Variants in PPP1R9A observed in about 807,000 individuals in gnomAD.
PPP1R9A encodes the protein protein phosphatase 1 regulatory subunit 9A.
Under a neutral mutation model 141.9 loss-of-function variants are expected in PPP1R9A, and 59 were observed. The ratio of observed to expected loss-of-function variants is 0.42; its 90% CI spans 0.34 to 0.52. The LOEUF is 0.52. PPP1R9A is among the 20% of genes least tolerant of loss of function. The pLI, the probability that PPP1R9A is intolerant of heterozygous loss-of-function variation, is 0.10. For synonymous variants in PPP1R9A, 500 were observed against 569.7 expected (o/e 0.88, Z 1.74); for missense variants, 1,444 against 1,611.9 (o/e 0.90, Z 1.78).
intron 7 of PPP1R9A, among the ~76,000 whole-genome samples, chr7:95,211,183 T>G (rs1363784475): frequency 6.6e-6 from 1 of 151,728 alleles, no homozygotes; most frequent in African/African-American, 2.4e-5. Context: ...AAAAAGAAAT[T>G]GAATGTCTGA....
chr7:95,257,509 G>A (rs998928697), intron 12 of PPP1R9A, among the ~76,000 whole-genome samples: 7 of 146,996 alleles, frequency 4.8e-5, no homozygotes, highest in Non-Finnish European at 8.9e-5. Context: ...GATTTCATAT[G>A]ATTTCTTTTT....
At chr7:95,097,854 A>G (rs939351837) in intron 2 of PPP1R9A, among the ~76,000 whole-genome samples, 3 of 152,212 alleles carry the variant, frequency 2.0e-5, no homozygotes, top group Non-Finnish European at 2.9e-5. Flanking sequence ...CACCGCCAGT[A>G]GAAGATAACA....
At position 94,957,085 on chromosome 7, in the gene PPP1R9A, T is replaced by C. The variant is rs17166553; in HGVS notation, c.1395+45577T>C. Among the ~76,000 whole-genome samples the C allele has an allele frequency of 6.0e-3, 911 of 152,322 alleles. 10 individuals are homozygous for C. The highest frequency in any genetic ancestry group is 0.02 in the African/African-American group (847 of 41,580). On this transcript the variant is annotated intron_variant, in intron 2 of 19. Transcript: ENST00000433360. ...TCTGCCATAATTTCACATCTTATTT[T>C]GGAACAAGTGGAAGATTTGTTTCCT... is the stretch of plus-strand genomic sequence containing the variant.
intron 14 of PPP1R9A, among the ~76,000 whole-genome samples, chr7:95,271,930 A>G (rs990996107): frequency 2.0e-5 from 3 of 152,194 alleles, no homozygotes; most frequent in African/African-American, 7.2e-5. Context: ...TTAAAGATGG[A>G]TTTAATCGAT....
chr7:95,204,651 A>ACCACACATAT, intron 7 of PPP1R9A, among the ~76,000 whole-genome samples: 1 of 141,916 alleles, frequency 7.0e-6, no homozygotes, highest in Non-Finnish European at 1.5e-5. Context: ...ATGCACACAC[A>ACCACACATAT]CCACACATAT....
intron 2 of PPP1R9A, among the ~76,000 whole-genome samples, chr7:94,989,527 G>A (rs752789617): frequency 9.9e-5 from 15 of 152,008 alleles, no homozygotes; most frequent in Non-Finnish European, 1.8e-4. Flanking sequence ...AGTATAGCTC[G>A]AAGTCAATGA....
At chr7:95,221,099 G>T (rs967862317) in intron 7 of PPP1R9A, among the ~76,000 whole-genome samples, 1 of 152,050 alleles carries the variant, frequency 6.6e-6, no homozygotes, top group Non-Finnish European at 1.5e-5. Context: ...AGCAAATGTG[G>T]TTACAAGATA....
At chr7:94,958,331 C>A (rs1332508621) in intron 2 of PPP1R9A, among the ~76,000 whole-genome samples, 1 of 151,942 alleles carries the variant, frequency 6.6e-6, no homozygotes, top group Admixed American at 6.6e-5. Flanking sequence ...TGTAACTTAT[C>A]ATTACTTGAT....
In PPP1R9A at chr7:94,998,377, A is replaced by G. The variant is rs1312724332; in HGVS notation, c.1395+86869A>G. Among the ~76,000 whole-genome samples, 3 of 152,310 alleles carry G rather than the reference A, an allele frequency of 2.0e-5. No homozygotes were observed. The East Asian group carries it at 5.8e-4, about 29-fold the overall frequency. On this transcript the variant is annotated intron_variant, in intron 2 of 19. Transcript: ENST00000433360. ...ATTTTACAGGAGGAAACTAACTTCTAGAAGGGTCAAATGTTTTGTCTTAAA... is the reference window on the plus strand; with the variant it reads ...ATTTTACAGGAGGAAACTAACTTCTGGAAGGGTCAAATGTTTTGTCTTAAA...
At chr7:95,068,194 G>C (rs2152120985) in intron 2 of PPP1R9A, among the ~76,000 whole-genome samples, 1 of 152,260 alleles carries the variant, frequency 6.6e-6, no homozygotes, top group East Asian at 1.9e-4. Context: ...ATTCGGCCAG[G>C]CGTGGTGGCT....
intron 4 of PPP1R9A, among the ~76,000 whole-genome samples, chr7:95,121,807 C>T (rs549926997): frequency 6.6e-6 from 1 of 152,170 alleles, no homozygotes; most frequent in South Asian, 2.1e-4. Context: ...AACCCACTCT[C>T]AAAGAAATAA....
chr7:95,243,488 C>T (rs1797734441), intron 8 of PPP1R9A, among the ~76,000 whole-genome samples: 1 of 152,094 alleles, frequency 6.6e-6, no homozygotes, highest in African/African-American at 2.4e-5. Flanking sequence ...CATTCACTGT[C>T]AGAATGCTCA....
At chr7:95,238,306 A>G (rs1796985060) in intron 8 of PPP1R9A, among the ~76,000 whole-genome samples, 1 of 152,268 alleles carries the variant, frequency 6.6e-6, no homozygotes, top group Non-Finnish European at 1.5e-5. Context: ...CAGCTTACCT[A>G]CCACATTACA....
chr7:95,106,219 T>C (rs540755045), intron 2 of PPP1R9A, among the ~76,000 whole-genome samples: 2 of 152,332 alleles, frequency 1.3e-5, no homozygotes, highest in South Asian at 4.1e-4. Context: ...CCAAGCATAA[T>C]TACATGGACT....
At chr7:95,030,105 A>G (rs1807453539) in intron 2 of PPP1R9A, among the ~76,000 whole-genome samples, 1 of 152,168 alleles carries the variant, frequency 6.6e-6, no homozygotes, top group Non-Finnish European at 1.5e-5. Context: ...TCTCTAGGGT[A>G]CTTCTTAGGC....
chr7:94,942,803 C>CAATAAATAAATA (rs142643808), intron 2 of PPP1R9A, among the ~76,000 whole-genome samples: 7 of 137,334 alleles, frequency 5.1e-5, no homozygotes, highest in African/African-American at 8.1e-5. Flanking sequence ...GACTGTCTCT[C>CAATAAATAAATA]AATAAATAAA....
chr7:95,261,695 A>G (rs570761611), intron 12 of PPP1R9A, among the ~76,000 whole-genome samples: 1 of 152,230 alleles, frequency 6.6e-6, no homozygotes, highest in African/African-American at 2.4e-5. Flanking sequence ...ATTACAAACT[A>G]TTTCCAAGCT....
In PPP1R9A at chr7:95,286,794, T is replaced by C. The variant is rs557379234; in HGVS notation, c.3729+469T>C. ...TTAAAAACAAGGGTCAAAATTAGTA[T>C]TGCTACAAATTATCAGGAGATAAAT... On this transcript the variant is annotated intron_variant, in intron 18 of 19. Coordinates refer to ENST00000433360, the MANE Select transcript of PPP1R9A (RefSeq NM_001166160.2). 8.1e-4 allele frequency among the ~76,000 whole-genome samples: 123 copies of C among 152,252 alleles called. 1 individual carries two copies. Among genetic ancestry groups the C allele is most frequent in the Non-Finnish European group, 2.6e-4 (18 of 68,022 alleles).
At chr7:95,279,484 C>G (rs554721930) in intron 16 of PPP1R9A, among the ~76,000 whole-genome samples, 2 of 152,130 alleles carry the variant, frequency 1.3e-5, no homozygotes, top group Non-Finnish European at 2.9e-5. Context: ...GACTTATTCC[C>G]CATAACTGTC....
Sources: gnomAD v4.1 joint callset for allele counts (sites outside exome capture counted in the v4.1 genomes callset) on GRCh38, gnomAD v4.1.1 for gene constraint, MANE v1.5 for transcripts, NCBI Gene and HGNC (gene_info 2026-07-23, HGNC 2026-07-21) for gene names.